Variants in LDLRAD3 observed in about 807,000 individuals in gnomAD.
LDLRAD3 encodes the protein low density lipoprotein receptor class A domain containing 3, also known as low-density lipoprotein receptor class A domain-containing protein 3.
LDLRAD3 carries 20 observed loss-of-function variants against 29.4 expected under a neutral mutation model. The observed-to-expected ratio is 0.68, with a 90% confidence interval of 0.48 to 0.99. The LOEUF (loss-of-function observed/expected upper bound fraction) is 0.99. LDLRAD3 is among the 50% of genes least tolerant of loss of function. LDLRAD3 has a pLI of 0.00. For missense variants in LDLRAD3, 420 were observed against 454.3 expected (o/e 0.92, Z 0.69); for synonymous variants, 157 against 192.7 (o/e 0.81, Z 1.53).
chr11:36,227,371 G>A lies in LDLRAD3; in HGVS notation c.741G>A (p.Glu247=), dbSNP rs770894941. ...TCCAGTATGTGGCCAGCCAGGCGGA[G>A]CAGAATGCGTCGGAAGTAGGCTCCC... ...NGIQYVASQA[E]QNASEVGSPP... Residue 247 remains glutamate, a synonymous_variant, in exon 5 of 6, where the codon GAG becomes GAA. Transcript: ENST00000315571. 6.8e-6 allele frequency: 11 copies of A among 1,613,296 alleles called. No individual in the cohort carries two copies. Among genetic ancestry groups the A allele is most frequent in the Middle Eastern group, 1.6e-4 (1 of 6,080 alleles).
At chr11:36,116,746 T>C (rs1311631493) in intron 4 of LDLRAD3, among the ~76,000 whole-genome samples, 1 of 152,196 alleles carries the variant, frequency 6.6e-6, no homozygotes, top group Non-Finnish European at 1.5e-5. Flanking sequence ...TTGATTAGTT[T>C]TCTTGATTAG....
rs190783249 is a variant in LDLRAD3, at chr11:36,204,433, G to A, written c.455-22652G>A. 1.3e-4 allele frequency among the ~76,000 whole-genome samples: 20 copies of A among 151,966 alleles called. No homozygotes were observed. In the East Asian group the frequency reaches 3.9e-3, roughly 29 times the overall value. ...TCCTCCCATGTCCCTCCTACACTTA[G>A]ACAACTCGTGCTCTTCTTTGGCATG... is the stretch of plus-strand genomic sequence containing the variant. On this transcript the variant is annotated intron_variant, in intron 4 of 5. Transcript: ENST00000315571.
At position 36,176,111 on chromosome 11, in the gene LDLRAD3, G is replaced by A. The variant is rs371932822; in HGVS notation, c.455-50974G>A. The stretch of plus-strand genomic sequence containing the variant: ...TGCTTTAAAGTCTGTTTTGTCTATA[G>A]CTACTCCTGCTCGCTTTTGTTGTCC... On this transcript the variant is annotated intron_variant, in intron 4 of 5. Transcript: ENST00000315571. 2.6e-5 allele frequency among the ~76,000 whole-genome samples: 4 copies of A among 152,042 alleles called. No homozygotes were observed. The South Asian group carries it at 8.3e-4, about 32-fold the overall frequency.
At chr11:35,994,165 C>G (rs543932130) in intron 1 of LDLRAD3, among the ~76,000 whole-genome samples, 1 of 151,670 alleles carries the variant, frequency 6.6e-6, no homozygotes, top group African/African-American at 2.4e-5. Flanking sequence ...GGGTTCAGTT[C>G]CAGACCACCA....
intron 1 of LDLRAD3, among the ~76,000 whole-genome samples, chr11:36,031,618 G>T (rs1436000845): frequency 6.6e-6 from 1 of 152,162 alleles, no homozygotes; most frequent in Non-Finnish European, 1.5e-5. Context: ...TGCCTTCACG[G>T]AGTGTTCAGT....
intron 5 of LDLRAD3, 51 bp downstream of exon 5, chr11:36,227,481 G>A: frequency 7.3e-7 from 1 of 1,361,828 alleles, no homozygotes; most frequent in Non-Finnish European, 1.0e-6. Flanking sequence ...CCATTGCGGG[G>A]AGGGGAATAG....
chr11:36,053,671 T>C lies in LDLRAD3; in HGVS notation c.193+17422T>C, dbSNP rs75163223. Among the ~76,000 whole-genome samples, 13 of 152,330 alleles carry C rather than the reference T, an allele frequency of 8.5e-5. No individual in the cohort carries two copies. The East Asian group carries it at 2.5e-3, about 29-fold the overall frequency. ...TGGTGCACATCTGCTTGGAATCCTC[T>C]TCCCGTGACCCCAGAAGAAGAGACT... On this transcript the variant is annotated intron_variant, in intron 2 of 5. Transcript: ENST00000315571.
Position 36,036,106 on chromosome 11 carries a change from G to A in LDLRAD3, c.50G>A (p.Ser17Asn). 1 of 1,613,784 alleles carries A rather than the reference G, an allele frequency of 6.2e-7. No individual in the cohort carries two copies. The highest frequency in any genetic ancestry group is 8.5e-7 in the Non-Finnish European group (1 of 1,179,824). The part of the protein sequence containing the change: ...LCLLLSSAAE[S>N]QLLPGNNFTN... ...ACCTGTCCCCTCTCTCTGACAGAGA[G>A]CCAGCTGCTCCCCGGGAACAACTTC... The change falls in exon 2 of 6, where the codon AGC (serine) becomes AAC (asparagine). Residue 17 changes from serine to asparagine, a missense_variant. Physicochemically the swap from Ser to Asn is conservative, Grantham distance 46 (BLOSUM62 1). Coordinates refer to ENST00000315571, the MANE Select transcript of LDLRAD3 (RefSeq NM_174902.4).
intron 4 of LDLRAD3, among the ~76,000 whole-genome samples, chr11:36,108,759 G>T (rs564993725): frequency 2.0e-5 from 3 of 152,242 alleles, no homozygotes; most frequent in Admixed American, 6.5e-5. Flanking sequence ...CCCTGGGGTG[G>T]ATGTCAAAGA....
chr11:35,993,949 A>G (rs1851720357), intron 1 of LDLRAD3, among the ~76,000 whole-genome samples: 1 of 152,170 alleles, frequency 6.6e-6, no homozygotes, highest in African/African-American at 2.4e-5. Context: ...TTCCCACGTT[A>G]TTTTAAAGGA....
At chr11:36,139,738 T>C (rs748531779) in intron 4 of LDLRAD3, among the ~76,000 whole-genome samples, 1 of 152,182 alleles carries the variant, frequency 6.6e-6, no homozygotes, top group Non-Finnish European at 1.5e-5. Flanking sequence ...TCTGTCTGTC[T>C]GTGGCCTGTG....
intron 1 of LDLRAD3, among the ~76,000 whole-genome samples, chr11:36,027,056 C>T (rs1301251930): frequency 2.0e-5 from 3 of 152,132 alleles, no homozygotes; most frequent in African/African-American, 7.2e-5. Context: ...GAGTTTGGGT[C>T]GGGACCCTTT....
intron 2 of LDLRAD3, among the ~76,000 whole-genome samples, chr11:36,063,056 C>T (rs552392166): frequency 6.0e-4 from 92 of 152,264 alleles, no homozygotes; most frequent in African/African-American, 2.2e-3. Context: ...TGAGTTTCAG[C>T]TCTTTGATAC....
chr11:36,182,815 T>C (rs12785820), intron 4 of LDLRAD3, among the ~76,000 whole-genome samples: 6,029 of 152,230 alleles, frequency 0.04, 394 homozygotes, highest in African/African-American at 0.13. Flanking sequence ...TTGTCTTCTG[T>C]GTCTTTGGGA....
chr11:36,227,771 C>T (rs1855521000), intron 5 of LDLRAD3, among the ~76,000 whole-genome samples: 1 of 152,168 alleles, frequency 6.6e-6, no homozygotes, highest in Non-Finnish European at 1.5e-5. Context: ...CAGTTAGGAT[C>T]CTGGCCTGCT....
intron 4 of LDLRAD3, among the ~76,000 whole-genome samples, chr11:36,120,717 C>A (rs1403055224): frequency 6.6e-6 from 1 of 152,198 alleles, no homozygotes; most frequent in Non-Finnish European, 1.5e-5. Context: ...TGAGACTAAA[C>A]TGCCTGCTGT....
chr11:36,175,350 G>T (rs1854660071), intron 4 of LDLRAD3, among the ~76,000 whole-genome samples: 1 of 151,768 alleles, frequency 6.6e-6, no homozygotes. Flanking sequence ...TCTTCTGCTG[G>T]GCTTGGGTTT....
Position 36,023,779 on chromosome 11 carries a change from A to T in LDLRAD3, c.47-12324A>T, listed in dbSNP as rs916761468. Among the ~76,000 whole-genome samples, 8 of 151,668 alleles carry T rather than the reference A, an allele frequency of 5.3e-5. 1 individual carries two copies. Among genetic ancestry groups the T allele is most frequent in the African/African-American group, 1.9e-4 (8 of 41,270 alleles). Reference sequence around the variant, plus strand: ...AACTGAGGCTCAGGGAAGTGAAGCAACTCCCCCAAAGCCCAGTGGTGAGTC... The same window carrying T: ...AACTGAGGCTCAGGGAAGTGAAGCATCTCCCCCAAAGCCCAGTGGTGAGTC... On this transcript the variant is annotated intron_variant, in intron 1 of 5. Coordinates refer to ENST00000315571, the MANE Select transcript of LDLRAD3 (RefSeq NM_174902.4).
chr11:36,139,409 G>T (rs1218830882), intron 4 of LDLRAD3, among the ~76,000 whole-genome samples: 3 of 152,204 alleles, frequency 2.0e-5, no homozygotes, highest in Non-Finnish European at 4.4e-5. Flanking sequence ...AGGTCTCACT[G>T]TTAAAGAGTT....
Sources: allele counts gnomAD v4.1 joint callset (sites outside exome capture counted in the v4.1 genomes callset), GRCh38; gene constraint gnomAD v4.1.1; transcripts MANE v1.5; gene names NCBI Gene and HGNC (gene_info 2026-07-23, HGNC 2026-07-21).